The following ELMO2 variants were observed in gnomAD, a reference collection of about 807,000 sequenced individuals.
ELMO2 encodes engulfment and cell motility protein 2.
Under a neutral mutation model 96.2 loss-of-function variants are expected in ELMO2, and 37 were observed. That is an observed-to-expected ratio of 0.38 (90% CI 0.30 to 0.51). The LOEUF (loss-of-function observed/expected upper bound fraction) is 0.51, where lower values mean the gene tolerates loss of function less well. ELMO2 is among the 20% of genes least tolerant of loss of function. ELMO2 has a pLI of 0.88. For missense variants in ELMO2, 561 were observed against 912.6 expected (o/e 0.61, Z 4.96); for synonymous variants, 315 against 329.4 (o/e 0.96, Z 0.47).
chr20:46,394,113 T>G, intron 3 of ELMO2, 24 bp from the exon 4 acceptor site: 2 of 1,596,258 alleles, frequency 1.3e-6, no homozygotes, highest in South Asian at 1.1e-5. Flanking sequence ...AGAGAAAGCC[T>G]TCAACAGCAG....
chr20:46,373,268 G>T, intron 16 of ELMO2, 131 bp downstream of exon 16: 1 of 1,286,684 alleles, frequency 7.8e-7, no homozygotes, highest in Non-Finnish European at 1.1e-6. Flanking sequence ...CAGTGCCTCA[G>T]TCTTGTGACT....
At chr20:46,387,202 C>T in intron 8 of ELMO2, 136 bp downstream of exon 8, 1 of 675,900 alleles carries the variant, frequency 1.5e-6, no homozygotes, top group East Asian at 2.8e-5. Flanking sequence ...AAGACTAGAG[C>T]TTGAGGATGA....
intron 5 of ELMO2, 103 bp from the exon 6 acceptor site, chr20:46,393,246 G>A (rs975660726): frequency 1.3e-5 from 16 of 1,186,650 alleles, no homozygotes; most frequent in East Asian, 2.4e-5. Context: ...TACAGTAGAT[G>A]TAACTGAGGA....
At chr20:46,382,528 A>G (rs552648033) in intron 10 of ELMO2, among the ~76,000 whole-genome samples, 1 of 152,322 alleles carries the variant, frequency 6.6e-6, no homozygotes, top group Non-Finnish European at 1.5e-5. Context: ...CTAGAATGTT[A>G]GTATTGGAAG....
In ELMO2 at chr20:46,367,510, G is replaced by A. The variant is rs1336150135; in HGVS notation, c.2013C>T (p.Ser671=). The change falls in exon 22 of 22, where the codon TCC becomes TCT. Residue 671 remains serine, a synonymous_variant. Coordinates refer to ENST00000290246, the MANE Select transcript of ELMO2 (RefSeq NM_133171.5). ...CCAGGTCACTCTTGGTCAGCTCACT[G>A]GACATGTCCTTCCCCAGAAGGGCAC... ...GLSALLGKDM[S]SELTKSDLDT... The A allele has an allele frequency of 2.5e-6, 4 of 1,613,570 alleles. No homozygotes were observed. Among genetic ancestry groups the A allele is most frequent in the Non-Finnish European group, 3.4e-6 (4 of 1,179,790 alleles).
At chr20:46,384,463 C>A (rs2145810754) in intron 9 of ELMO2, among the ~76,000 whole-genome samples, 1 of 152,180 alleles carries the variant, frequency 6.6e-6, no homozygotes, top group South Asian at 2.1e-4. Flanking sequence ...CTGGTGACAG[C>A]TGTGGGCTGA....
intron 11 of ELMO2, among the ~76,000 whole-genome samples, chr20:46,379,402 T>C (rs2059917671): frequency 6.6e-6 from 1 of 152,174 alleles, no homozygotes; most frequent in Non-Finnish European, 1.5e-5. Context: ...CAGGGATTTA[T>C]ACCTCTTTCC....
At chr20:46,390,790 GAGTC>G (rs1403216396) in intron 6 of ELMO2, 1 of 152,216 alleles carries the variant, frequency 6.6e-6, no homozygotes, top group Non-Finnish European at 1.5e-5. Context: ...TGCCGCCAAG[GAGTC>G]AGGCCTGCTG....
chr20:46,382,926 T>C (rs2059982036), intron 10 of ELMO2, among the ~76,000 whole-genome samples: 2 of 152,218 alleles, frequency 1.3e-5, no homozygotes, highest in Non-Finnish European at 2.9e-5. Flanking sequence ...CCCATTCATA[T>C]TGGACTCCTT....
chr20:46,389,302 T>A (rs1203721352), intron 6 of ELMO2, 82 bp from the exon 7 acceptor site: 37 of 1,431,254 alleles, frequency 2.6e-5, no homozygotes, highest in Non-Finnish European at 2.9e-5. Context: ...GAGGCCCTTC[T>A]GTGGACATCC....
Position 46,371,256 on chromosome 20 carries a change from A to G in ELMO2, c.1801+96T>C, listed in dbSNP as rs2059697839. ...AAACAGGTCCAGAGAGGTAACAGGT[A>G]CAAGCCCAGATGATCAGCTACAAAC... On this transcript the variant is annotated intron_variant, in intron 19 of 21. Transcript: ENST00000290246. This position sits in a 1 kb window ranked among gnomAD's most constrained non-coding sequence, Gnocchi z 5.9. 8.0e-7 allele frequency: 1 copy of G among 1,242,372 alleles called. No homozygotes were observed. Among genetic ancestry groups the G allele is most frequent in the East Asian group, 2.3e-5 (1 of 42,920 alleles). The allele number at this position is 1,242,372 out of a possible 1,614,324, so 77.0% of individuals were successfully genotyped here.
At chr20:46,400,985 C>T (rs2060325700) in intron 1 of ELMO2, among the ~76,000 whole-genome samples, 2 of 152,168 alleles carry the variant, frequency 1.3e-5, no homozygotes, top group Admixed American at 1.3e-4. Flanking sequence ...TGAAGAATGC[C>T]AGGTTTCCAG....
In ELMO2 at chr20:46,387,529, T is replaced by A. The variant is rs150621933; in HGVS notation, c.426-92A>T. 3 of 932,012 alleles carry A rather than the reference T, an allele frequency of 3.2e-6. No individual in the cohort carries two copies. The East Asian group carries it at 7.8e-5, about 24-fold the overall frequency. 57.7% of individuals were successfully genotyped at this position (932,012 alleles called of 1,614,324 possible). The stretch of plus-strand genomic sequence containing the variant: ...CAGCCACAAAAAAGATGAATTTTAA[T>A]GTGAACACCCCATGGGAAATCAGTC... On this transcript the variant is annotated intron_variant, in intron 7 of 21. Transcript: ENST00000290246.
intron 13 of ELMO2, 84 bp from the exon 14 acceptor site, chr20:46,374,724 CTT>C (rs2059820540): frequency 1.7e-6 from 2 of 1,162,404 alleles, no homozygotes. Context: ...CGCCTCTCCT[CTT>C]GATGCTGCTA....
rs148879967 is a variant in ELMO2 at position 46,401,254 on chromosome 20, C to T, written c.-125-2483G>A. On this transcript the variant is annotated intron_variant, in intron 1 of 21. Transcript: ENST00000290246. ...TCCCTTAGTTCAGTCCACTGAATGA[C>T]GATCAGACTCTGAGGTACAGAAAAG... Among the ~76,000 whole-genome samples the T allele has an allele frequency of 9.2e-5, 14 of 152,228 alleles. No homozygotes were observed. The East Asian group carries it at 1.9e-3, about 21-fold the overall frequency.
chr20:46,374,199 C>T, intron 15 of ELMO2, 133 bp downstream of exon 15: 4 of 637,630 alleles, frequency 6.3e-6, no homozygotes, highest in African/African-American at 1.8e-5. Flanking sequence ...GCCTCAGTCT[C>T]CCAAAGTGCT....
chr20:46,398,012 T>A (rs1245150961), intron 2 of ELMO2, among the ~76,000 whole-genome samples: 2 of 152,166 alleles, frequency 1.3e-5, no homozygotes, highest in Admixed American at 1.3e-4. Context: ...AAAACTCCTA[T>A]AAATTAAGCT....
chr20:46,378,032 A>G (rs1325750694), intron 11 of ELMO2, among the ~76,000 whole-genome samples: 2 of 152,078 alleles, frequency 1.3e-5, no homozygotes, highest in Non-Finnish European at 2.9e-5. Flanking sequence ...CTTCTCCCTA[A>G]TTTATAAAAC....
chr20:46,370,446 G>A lies in ELMO2; in HGVS notation c.1881C>T (p.Asn627=). The A allele has an allele frequency of 6.2e-7, 1 of 1,614,118 alleles. No individual in the cohort carries two copies. Among genetic ancestry groups the A allele is most frequent in the Non-Finnish European group, 8.5e-7 (1 of 1,179,972 alleles). Residue 627 remains asparagine (N), a synonymous_variant, in exon 20 of 22, where the codon AAC becomes AAT. Transcript: ENST00000290246. ...TCAAACTGGCCTCTCTACTCACCTT[G>A]TTCTGTTTCAGAGCACTTTTCTCTT... ...HMKEKSALKQ[N]KEVLELAFSI... is the part of the protein sequence containing the mutation.
Sources: gnomAD v4.1 joint callset for allele counts (sites outside exome capture counted in the v4.1 genomes callset) on GRCh38, gnomAD v4.1.1 for gene constraint, Gnocchi (gnomAD v3.1) non-coding constraint, MANE v1.5 for transcripts, NCBI Gene and HGNC (gene_info 2026-07-23, HGNC 2026-07-21) for gene names.